Variants in DOP1A observed in about 807,000 individuals in gnomAD.
The protein encoded by DOP1A is DOP1 leucine zipper like protein A, also known as protein DOP1A.
In DOP1A, 90 loss-of-function variants were observed where a neutral mutation model predicts 267.6. The observed-to-expected ratio is 0.34, with a 90% confidence interval of 0.28 to 0.40. DOP1A has a LOEUF of 0.40. Among genes scored for constraint, DOP1A ranks in the 10% least tolerant of loss-of-function variants. The pLI is 1.00. For missense variants in DOP1A, 2,437 were observed against 2,900.4 expected (o/e 0.84, Z 3.67); for synonymous variants, 932 against 999.1 (o/e 0.93, Z 1.27).
At chr6:83,068,028 G>T (rs1784972716) in intron 1 of DOP1A, among the ~76,000 whole-genome samples, 1 of 152,194 alleles carries the variant, frequency 6.6e-6, no homozygotes, top group Admixed American at 6.5e-5. Context: ...GCCGGGCAGA[G>T]GCGCGAGGGC....
downstream of DOP1A, chr6:83,171,150 G>A (rs1787007926): frequency 1.3e-5 from 2 of 152,174 alleles, no homozygotes; most frequent in African/African-American, 2.4e-5. Context: ...GACCAGCCTA[G>A]GCAACATAGT....
At position 83,138,316 on chromosome 6, in the gene DOP1A, G is replaced by C; in HGVS notation, c.4274G>C (p.Arg1425Thr). 6.2e-7 allele frequency: 1 copy of C among 1,612,366 alleles called. No individual in the cohort carries two copies. Among genetic ancestry groups the C allele is most frequent in the Non-Finnish European group, 8.5e-7 (1 of 1,179,916 alleles). ...TCTCTCCTTCAGAATCTATTGGCCAGACACCGGATTTCTGTTATGGGCAAA... is the reference window on the plus strand; with the variant it reads ...TCTCTCCTTCAGAATCTATTGGCCACACACCGGATTTCTGTTATGGGCAAA... ...QLSLLQNLLA[R>T]HRISVMGKDF... The change falls in exon 21 of 39, where the codon AGA becomes ACA. Residue 1425 changes from arginine to threonine, a missense_variant. Physicochemically the swap from Arg to Thr is moderately conservative, Grantham distance 71 (BLOSUM62 -1). Around this residue, in one of 9 missense-constraint regions of DOP1A, gnomAD observed 878 missense variants for 992.9 expected, o/e 0.88. Transcript: ENST00000349129.
intron 7 of DOP1A, among the ~76,000 whole-genome samples, chr6:83,118,595 TTTTA>T (rs1209127244): frequency 2.6e-5 from 4 of 152,174 alleles, no homozygotes; most frequent in Middle Eastern, 3.2e-3. Context: ...TCTTGCTTCA[TTTTA>T]TTTGTTTTAT....
chr6:83,146,978 A>C (rs1437614698), intron 25 of DOP1A, among the ~76,000 whole-genome samples: 2 of 152,208 alleles, frequency 1.3e-5, no homozygotes, highest in African/African-American at 2.4e-5. Flanking sequence ...TGGACTATCA[A>C]CTTCTGATAT....
intron 37 of DOP1A, among the ~76,000 whole-genome samples, chr6:83,160,166 G>C (rs1052824152): frequency 1.3e-5 from 2 of 152,188 alleles, no homozygotes; most frequent in South Asian, 2.1e-4. Flanking sequence ...AACAGATTGA[G>C]TACCTCCAGA....
intron 31 of DOP1A, 56 bp from the exon 32 acceptor site, chr6:83,153,838 T>C: frequency 6.5e-7 from 1 of 1,533,746 alleles, no homozygotes; most frequent in South Asian, 1.3e-5. Flanking sequence ...ATGTATAACT[T>C]GATAGGATGA....
chr6:83,153,686 C>T (rs1583144728), intron 31 of DOP1A, 66 bp downstream of exon 31: 2 of 1,310,532 alleles, frequency 1.5e-6, no homozygotes, highest in East Asian at 2.5e-5. Flanking sequence ...GTTCTGTTCC[C>T]TTATTGCCAT....
At chr6:83,130,084 A>G (rs1275492014) in intron 16 of DOP1A, 39 bp from the exon 17 acceptor site, 1 of 1,590,834 alleles carries the variant, frequency 6.3e-7, no homozygotes, top group African/African-American at 1.3e-5. Flanking sequence ...TGAAATGTTT[A>G]GTATAATGAA....
intron 17 of DOP1A, among the ~76,000 whole-genome samples, chr6:83,131,095 A>C (rs548286945): frequency 6.6e-6 from 1 of 152,230 alleles, no homozygotes; most frequent in East Asian, 1.9e-4. Context: ...CTGACTCTTC[A>C]TATTGTCTCA....
At chr6:83,119,884 G>A in intron 9 of DOP1A, 27 bp downstream of exon 9, 1 of 1,566,606 alleles carries the variant, frequency 6.4e-7, no homozygotes, top group Non-Finnish European at 8.8e-7. Flanking sequence ...TTATTCTTTG[G>A]TTACTTACTG....
chr6:83,168,882 T>A (rs1294822180), downstream of DOP1A: 1 of 1,056,724 alleles, frequency 9.5e-7, no homozygotes, highest in Non-Finnish European at 1.1e-6. Context: ...GCTCATGTGA[T>A]GGTGATGGCA....
At chr6:83,100,416 A>C (rs1772364395) in intron 3 of DOP1A, among the ~76,000 whole-genome samples, 1 of 151,966 alleles carries the variant, frequency 6.6e-6, no homozygotes, top group African/African-American at 2.4e-5. Context: ...AAAATTTACC[A>C]AAAAAAATCT....
intron 23 of DOP1A, among the ~76,000 whole-genome samples, chr6:83,141,486 G>C (rs1306523380): frequency 6.6e-6 from 1 of 152,190 alleles, no homozygotes; most frequent in Admixed American, 6.5e-5. Flanking sequence ...AGTGGGAAAA[G>C]GGTAAGGGTG....
At chr6:83,096,288 C>A (rs1168788415) in intron 1 of DOP1A, among the ~76,000 whole-genome samples, 1 of 151,122 alleles carries the variant, frequency 6.6e-6, no homozygotes, top group African/African-American at 2.4e-5. Flanking sequence ...CACTGTGTTG[C>A]CAATGCTGGT....
chr6:83,073,922 T>G (rs1786034342), intron 1 of DOP1A, among the ~76,000 whole-genome samples: 1 of 152,208 alleles, frequency 6.6e-6, no homozygotes, highest in Admixed American at 6.5e-5. Flanking sequence ...AAGTGGGAGC[T>G]ACAGTGTCTG....
At chr6:83,156,605 G>T (rs1014942713) in intron 34 of DOP1A, among the ~76,000 whole-genome samples, 1 of 152,128 alleles carries the variant, frequency 6.6e-6, no homozygotes, top group Non-Finnish European at 1.5e-5. Flanking sequence ...TCATCACCCT[G>T]TACCACCAAA....
At chr6:83,090,608 A>T (rs1488479287) in intron 1 of DOP1A, among the ~76,000 whole-genome samples, 1 of 152,210 alleles carries the variant, frequency 6.6e-6, no homozygotes, top group Admixed American at 6.5e-5. Context: ...GATAAAAGTA[A>T]ACATTTAGAA....
At position 83,130,212 on chromosome 6, in the gene DOP1A, A is replaced by G. The variant is rs538739480; in HGVS notation, c.2431A>G (p.Ile811Val). ...ASDFSVQSVA[I>V]SLVMDLVGLT... Reference sequence around the variant, plus strand: ...TGATTTCAGTGTTCAGAGTGTTGCTATTTCACTAGTTATGGACCTGGTGGG... The same window carrying G: ...TGATTTCAGTGTTCAGAGTGTTGCTGTTTCACTAGTTATGGACCTGGTGGG... Residue 811 changes from isoleucine to valine, a missense_variant, in exon 17 of 39, where the codon ATT (isoleucine) becomes GTT (valine). This residue lies in a region of DOP1A where 878 missense variants were observed against 992.9 expected (regional missense o/e 0.88). Transcript: ENST00000349129. 7.4e-6 allele frequency: 12 copies of G among 1,614,054 alleles called. No individual in the cohort carries two copies. Among genetic ancestry groups the G allele is most frequent in the South Asian group, 5.5e-5 (5 of 91,082 alleles).
intron 4 of DOP1A, among the ~76,000 whole-genome samples, chr6:83,108,015 A>G (rs973437863): frequency 2.6e-5 from 4 of 152,230 alleles, no homozygotes; most frequent in African/African-American, 9.6e-5. Flanking sequence ...CTTCAGGGCA[A>G]TAATGAACCA....
Sources: allele counts gnomAD v4.1 joint callset (sites outside exome capture counted in the v4.1 genomes callset), GRCh38; gene constraint gnomAD v4.1.1; regional missense constraint gnomAD v4.1.1; transcripts MANE v1.5; gene names NCBI Gene and HGNC (gene_info 2026-07-23, HGNC 2026-07-21).